The following DYM variants were observed in gnomAD, a reference collection of about 807,000 sequenced individuals.
DYM encodes the protein dyggve-Melchior-Clausen syndrome protein.
In DYM, 78 loss-of-function variants were observed where a neutral mutation model predicts 93.1. The observed-to-expected ratio is 0.84, with a 90% confidence interval of 0.70 to 1.01. The LOEUF (loss-of-function observed/expected upper bound fraction) is 1.01, where lower values mean the gene tolerates loss of function less well. DYM is among the 50% of genes least tolerant of loss of function. The pLI is 0.00. For synonymous variants in DYM, 321 were observed against 319.7 expected (o/e 1.00, Z -0.04); for missense variants, 789 against 845.0 (o/e 0.93, Z 0.82).
At chr18:49,176,574 C>CTT (rs36121103) in intron 14 of DYM, among the ~76,000 whole-genome samples, 119 of 99,412 alleles carry the variant, frequency 1.2e-3, no homozygotes, top group Non-Finnish European at 1.6e-3. Context: ...CCAAGCCTGG[C>CTT]TTTTTTTTTT....
At chr18:49,313,296 T>C (rs1044542120) in intron 8 of DYM, among the ~76,000 whole-genome samples, 6 of 151,024 alleles carry the variant, frequency 4.0e-5, no homozygotes, top group Non-Finnish European at 5.9e-5. Flanking sequence ...AAACCCCATC[T>C]CTACTAAAAA....
At chr18:49,171,031 CAA>C (rs2088643490) in intron 14 of DYM, among the ~76,000 whole-genome samples, 1 of 151,924 alleles carries the variant, frequency 6.6e-6, no homozygotes, top group Non-Finnish European at 1.5e-5. Flanking sequence ...AACAAAAAAA[CAA>C]AAAACGAAGT....
chr18:49,321,809 C>G (rs1169248417), intron 8 of DYM, among the ~76,000 whole-genome samples: 1 of 151,896 alleles, frequency 6.6e-6, no homozygotes, highest in Non-Finnish European at 1.5e-5. Flanking sequence ...CAAATTATTC[C>G]AAATAGAGAT....
chr18:49,371,957 C>T lies in DYM; in HGVS notation c.421+6610G>A, dbSNP rs183603270. On this transcript the variant is annotated intron_variant, in intron 5 of 17. Coordinates refer to ENST00000675505, the MANE Select transcript of DYM (RefSeq NM_001353214.3). ...CTTCACTGAAAATGCCAGCAATATC[C>T]ATGTGATCACAGCAGTATTACAATG... is the stretch of plus-strand genomic sequence containing the variant. 3.4e-3 allele frequency among the ~76,000 whole-genome samples: 513 copies of T among 152,238 alleles called. 9 individuals carry two copies. Among genetic ancestry groups the T allele is most frequent in the East Asian group, 7.7e-4 (4 of 5,182 alleles).
At chr18:49,148,166 G>A (rs7235864) in intron 15 of DYM, among the ~76,000 whole-genome samples, 130,631 of 151,896 alleles carry the variant, frequency 0.86, 56,458 homozygotes, top group South Asian at 0.92. Context: ...ACACAGGAAG[G>A]GGAACATCAC....
intron 13 of DYM, among the ~76,000 whole-genome samples, chr18:49,232,810 C>T (rs2093744630): frequency 6.6e-6 from 1 of 151,468 alleles, no homozygotes; most frequent in South Asian, 2.1e-4. Flanking sequence ...GGTTTCACCA[C>T]GTTGGCTAGG....
chr18:49,340,178 T>C (rs1401274895), intron 6 of DYM, among the ~76,000 whole-genome samples: 2 of 152,078 alleles, frequency 1.3e-5, no homozygotes, highest in Admixed American at 1.3e-4. Context: ...GGTCTCGATC[T>C]CCTGATCTCG....
intron 8 of DYM, among the ~76,000 whole-genome samples, chr18:49,306,888 T>C (rs2061307741): frequency 6.6e-6 from 1 of 152,192 alleles, no homozygotes. Context: ...TGTTTTATTT[T>C]GTGAAGAGTA....
intron 17 of DYM, among the ~76,000 whole-genome samples, chr18:49,078,082 G>A (rs2145069411): frequency 6.6e-6 from 1 of 152,084 alleles, no homozygotes; most frequent in East Asian, 1.9e-4. Context: ...TTTTTCTGTT[G>A]GCTTTTGAGC....
chr18:49,306,085 T>C (rs1181360204), intron 8 of DYM, among the ~76,000 whole-genome samples: 2 of 152,166 alleles, frequency 1.3e-5, no homozygotes, highest in Non-Finnish European at 2.9e-5. Flanking sequence ...ATTAGTGGAC[T>C]GAAAGATAAA....
intron 8 of DYM, among the ~76,000 whole-genome samples, chr18:49,312,974 T>C (rs1014455685): frequency 1.3e-5 from 2 of 152,176 alleles, no homozygotes; most frequent in African/African-American, 4.8e-5. Context: ...GATAAGGCGT[T>C]ATGTACATGC....
In DYM at chr18:49,056,794, A is replaced by G. The variant is rs558125959; in HGVS notation, c.2026-12590T>C. Among the ~76,000 whole-genome samples the G allele has an allele frequency of 6.0e-5, 9 of 151,218 alleles. No individual in the cohort carries two copies. The East Asian group carries it at 1.4e-3, about 23-fold the overall frequency. ...GATCTCCTGACCTCATGATCCGCCC[A>G]CCTTGGCCTCCCAAAGTGCTGCGAT... is the stretch of plus-strand genomic sequence containing the variant. On this transcript the variant is annotated intron_variant, in intron 17 of 17. Coordinates refer to ENST00000675505, the MANE Select transcript of DYM (RefSeq NM_001353214.3).
chr18:49,080,271 C>T (rs1175206386), intron 17 of DYM, among the ~76,000 whole-genome samples: 1 of 129,142 alleles, frequency 7.7e-6, no homozygotes, highest in Non-Finnish European at 1.7e-5. Context: ...CCTCACTTCC[C>T]AGTAGGGGCG....
intron 8 of DYM, among the ~76,000 whole-genome samples, chr18:49,316,936 G>A (rs560986211): frequency 6.6e-6 from 1 of 152,102 alleles, no homozygotes; most frequent in Non-Finnish European, 1.5e-5. Flanking sequence ...CTTTATGAAT[G>A]TACCACAGTT....
At chr18:49,365,595 G>T (rs2066449119) in intron 5 of DYM, among the ~76,000 whole-genome samples, 1 of 152,098 alleles carries the variant, frequency 6.6e-6, no homozygotes, top group African/African-American at 2.4e-5. Flanking sequence ...TTGCTAAATG[G>T]TCACTCCTTA....
chr18:49,453,984 T>A (rs770701235), intron 1 of DYM, among the ~76,000 whole-genome samples: 1 of 152,162 alleles, frequency 6.6e-6, no homozygotes, highest in East Asian at 1.9e-4. Flanking sequence ...TTCAACAACA[T>A]CTGGTGGAGG....
At chr18:49,455,670 G>A (rs556294526) in intron 1 of DYM, among the ~76,000 whole-genome samples, 2 of 152,172 alleles carry the variant, frequency 1.3e-5, no homozygotes, top group African/African-American at 4.8e-5. Flanking sequence ...AAGGAGCAGA[G>A]GCCAGGCGCA....
rs1344634805 is a variant in DYM at position 49,286,594 on chromosome 18, T to C, written c.786A>G (p.Thr262=). 4 of 1,613,984 alleles carry C rather than the reference T, an allele frequency of 2.5e-6. No homozygotes were observed. Among genetic ancestry groups the C allele is most frequent in the Non-Finnish European group, 3.4e-6 (4 of 1,179,972 alleles). Reference sequence around the variant, plus strand: ...CCGCTTTGCTGCCCACACCACCTAGTGTGAAGACAGTCCAGAGTCCTGCTG... The same window carrying C: ...CCGCTTTGCTGCCCACACCACCTAGCGTGAAGACAGTCCAGAGTCCTGCTG... The part of the protein sequence containing the change: ...GVATGLWTVF[T]LGGVGSKAAA... The change falls in exon 9 of 18, where the codon ACA becomes ACG. Residue 262 remains threonine, a synonymous_variant. Transcript: ENST00000675505.
intron 13 of DYM, among the ~76,000 whole-genome samples, chr18:49,227,246 TC>T (rs2093565350): frequency 6.6e-6 from 1 of 152,156 alleles, no homozygotes; most frequent in South Asian, 2.1e-4. Context: ...AAAACTGAGC[TC>T]TAAGTTATGA....
Sources: gnomAD v4.1 joint callset for allele counts (sites outside exome capture counted in the v4.1 genomes callset) on GRCh38, gnomAD v4.1.1 for gene constraint, MANE v1.5 for transcripts, NCBI Gene and HGNC (gene_info 2026-07-23, HGNC 2026-07-21) for gene names.